PCDH9: variants seen among roughly 807,000 people sequenced by gnomAD.
PCDH9 encodes protocadherin 9, also known as protocadherin-9.
PCDH9 carries 24 observed loss-of-function variants against 70.6 expected under a neutral mutation model. That is an observed-to-expected ratio of 0.34 (90% CI 0.25 to 0.48). The LOEUF is 0.48. Ranked by LOEUF, PCDH9 falls within the 20% of genes least tolerant of loss-of-function variation. PCDH9 has a pLI of 0.99. For missense variants in PCDH9, 1,281 were observed against 1,503.6 expected, an observed-to-expected ratio of 0.85 and a Z score of 2.45; for synonymous variants, 562 against 558.5, an observed-to-expected ratio of 1.01 and a Z score of -0.09.
intron 2 of PCDH9, among the ~76,000 whole-genome samples, chr13:67,026,343 G>T (rs2084780889): frequency 6.6e-6 from 1 of 152,044 alleles, no homozygotes; most frequent in Non-Finnish European, 1.5e-5. Flanking sequence ...TTGGTACCAG[G>T]ATGATGACAA....
intron 2 of PCDH9, chr13:67,214,368 T>A (rs952216295): frequency 6.6e-6 from 1 of 152,170 alleles, no homozygotes; most frequent in African/African-American, 2.4e-5. Context: ...ATGGAATAAT[T>A]GGAAGCAAGA....
At chr13:66,623,213 T>C (rs2077452767) in intron 4 of PCDH9, among the ~76,000 whole-genome samples, 1 of 152,262 alleles carries the variant, frequency 6.6e-6, no homozygotes, top group South Asian at 2.1e-4. Flanking sequence ...CAGCCGACTA[T>C]TTGACCAACA....
intron 2 of PCDH9, among the ~76,000 whole-genome samples, chr13:67,111,023 CTGAT>C (rs2086649431): frequency 6.6e-6 from 1 of 152,170 alleles, no homozygotes; most frequent in African/African-American, 2.4e-5. Context: ...ATGCATATGG[CTGAT>C]TGAATTAAAA....
rs569727438 is a variant in PCDH9 at position 66,551,767 on chromosome 13, G to A, written c.3340+79443C>T. ...AAATTATATTTTTTTCATCTTCTGC[G>A]TTAAAACCACGTAGAATAATTTTCT... is the stretch of plus-strand genomic sequence containing the variant. On this transcript the variant is annotated intron_variant, in intron 4 of 4. Coordinates refer to ENST00000377865, the MANE Select transcript of PCDH9 (RefSeq NM_203487.3). Among the ~76,000 whole-genome samples the A allele has an allele frequency of 7.2e-5, 11 of 152,014 alleles. No individual in the cohort carries two copies. The East Asian group carries it at 1.7e-3, about 24-fold the overall frequency.
intron 3 of PCDH9, among the ~76,000 whole-genome samples, chr13:66,822,342 C>T (rs575133548): frequency 1.3e-5 from 2 of 151,994 alleles, no homozygotes; most frequent in East Asian, 1.9e-4. Context: ...TTAAAATGAA[C>T]ACGTTTTATG....
At chr13:66,924,563 T>A (rs1422533565) in intron 2 of PCDH9, among the ~76,000 whole-genome samples, 1 of 151,746 alleles carries the variant, frequency 6.6e-6, no homozygotes, top group African/African-American at 2.4e-5. Context: ...GTAAAGAACA[T>A]ATATAAGAAA....
rs141030048 is a variant in PCDH9, at chr13:66,631,532, C to G, written c.3139-121G>C. On this transcript the variant is annotated intron_variant, in intron 3 of 4. Coordinates refer to ENST00000377865, the MANE Select transcript of PCDH9 (RefSeq NM_203487.3). ...CAATGTAAAAGCAAAATAAACCAAA[C>G]TAGGAACAAAGCTAAGAACAAGTAT... The G allele has an allele frequency of 6.4e-3, 3,931 of 618,444 alleles. 151 individuals carry two copies. In the East Asian group the frequency reaches 0.081, roughly 13 times the overall value. 38.3% of individuals were successfully genotyped at this position (618,444 alleles called of 1,614,324 possible).
At chr13:66,535,455 T>C (rs1345181085) in intron 4 of PCDH9, among the ~76,000 whole-genome samples, 1 of 152,080 alleles carries the variant, frequency 6.6e-6, no homozygotes, top group Non-Finnish European at 1.5e-5. Flanking sequence ...ATAGGTTGGC[T>C]GCATTTACCA....
intron 3 of PCDH9, among the ~76,000 whole-genome samples, chr13:66,641,302 GAC>G (rs1319575709): frequency 5.9e-5 from 9 of 152,196 alleles, no homozygotes; most frequent in Non-Finnish European, 1.3e-4. Context: ...GATTCAAGGA[GAC>G]AGCCATATAA....
intron 4 of PCDH9, among the ~76,000 whole-genome samples, chr13:66,340,044 G>C (rs150287822): frequency 1.8e-4 from 28 of 152,186 alleles, no homozygotes; most frequent in Non-Finnish European, 3.2e-4. Context: ...TGATAAACAT[G>C]AGGTTTCTCA....
chr13:67,031,453 C>T (rs141627095), intron 2 of PCDH9, among the ~76,000 whole-genome samples: 1 of 151,888 alleles, frequency 6.6e-6, no homozygotes, highest in Non-Finnish European at 1.5e-5. Context: ...GTCTGTAATC[C>T]CAGCACTTTG....
intron 2 of PCDH9, among the ~76,000 whole-genome samples, chr13:67,022,395 A>G (rs528681834): frequency 2.5e-4 from 38 of 152,236 alleles, no homozygotes; most frequent in African/African-American, 8.2e-4. Context: ...TGCTGGGATT[A>G]CAGGCATGAG....
intron 3 of PCDH9, among the ~76,000 whole-genome samples, chr13:66,704,261 T>C (rs1456342437): frequency 1.3e-5 from 2 of 152,200 alleles, no homozygotes; most frequent in Non-Finnish European, 2.9e-5. Context: ...TCATAATACA[T>C]TTAAAAATTA....
intron 4 of PCDH9, among the ~76,000 whole-genome samples, chr13:66,317,212 T>C (rs1435085280): frequency 2.0e-5 from 3 of 151,944 alleles, no homozygotes; most frequent in East Asian, 3.9e-4. Flanking sequence ...TTATTAGATA[T>C]ATTTAGAAAA....
At chr13:66,790,493 CCTGT>C (rs780733234) in intron 3 of PCDH9, among the ~76,000 whole-genome samples, 4 of 151,950 alleles carry the variant, frequency 2.6e-5, no homozygotes, top group African/African-American at 7.2e-5. Context: ...TATAAAATTT[CCTGT>C]CTATGAAGAT....
intron 2 of PCDH9, chr13:67,208,843 C>A (rs1394550251): frequency 1.3e-5 from 2 of 152,262 alleles, no homozygotes; most frequent in East Asian, 1.9e-4. Flanking sequence ...GTATTTAGAA[C>A]AGCACCATGT....
At position 66,921,813 on chromosome 13, in the gene PCDH9, T is replaced by C. The variant is rs1056777941; in HGVS notation, c.3037-18208A>G. On this transcript the variant is annotated intron_variant, in intron 2 of 4. Coordinates refer to ENST00000377865, the MANE Select transcript of PCDH9 (RefSeq NM_203487.3). Reference sequence around the variant, plus strand: ...TGAGGTGAGAGGTTAGCAAAACTTCTGGATAAATATACAAAACGATTCTAA... The same window carrying C: ...TGAGGTGAGAGGTTAGCAAAACTTCCGGATAAATATACAAAACGATTCTAA... 2.0e-5 allele frequency among the ~76,000 whole-genome samples: 3 copies of C among 151,444 alleles called. No homozygotes were observed. In the South Asian group the frequency reaches 6.2e-4, roughly 31 times the overall value.
In PCDH9 at chr13:66,303,068, A is replaced by G. The variant is rs887177167; in HGVS notation, c.*1587T>C. 7.9e-5 allele frequency: 12 copies of G among 152,450 alleles called. No homozygotes were observed. Among genetic ancestry groups the G allele is most frequent in the Non-Finnish European group, 1.6e-4 (11 of 67,968 alleles). 9.4% of individuals were successfully genotyped at this position (152,450 alleles called of 1,614,324 possible). ...AAAGTAATTTTATTTTTTGGTAAGA[A>G]CAAATTAACTATCAGATTAGCAAAC... On this transcript the variant is annotated 3_prime_UTR_variant, in exon 5 of 5. Transcript: ENST00000377865.
At chr13:66,319,357 A>G (rs1955710384) in intron 4 of PCDH9, among the ~76,000 whole-genome samples, 1 of 152,158 alleles carries the variant, frequency 6.6e-6, no homozygotes, top group Admixed American at 6.5e-5. Flanking sequence ...AGCTGCTTTA[A>G]TCCAAATACA....
Sources: gnomAD v4.1 joint callset for allele counts (sites outside exome capture counted in the v4.1 genomes callset) on GRCh38, gnomAD v4.1.1 for gene constraint, MANE v1.5 for transcripts, NCBI Gene and HGNC (gene_info 2026-07-23, HGNC 2026-07-21) for gene names.